The following DCC variants were observed in gnomAD, a reference collection of about 807,000 sequenced individuals.
DCC encodes netrin receptor DCC.
In DCC, 58 loss-of-function variants were observed where a neutral mutation model predicts 172.5. That is an observed-to-expected ratio of 0.34 (90% CI 0.27 to 0.42). DCC has a LOEUF of 0.42. Among genes scored for constraint, DCC ranks in the 10% least tolerant of loss-of-function variants. The probability of loss-of-function intolerance (pLI) is 1.00; values close to 1 mark genes in which losing one functional copy is unlikely to be tolerated. For missense variants in DCC, 1,740 were observed against 1,791.0 expected (o/e 0.97, Z 0.51); for synonymous variants, 709 against 644.5 (o/e 1.10, Z -1.52).
At chr18:52,655,865 G>C (rs2144934542) in intron 1 of DCC, among the ~76,000 whole-genome samples, 1 of 151,694 alleles carries the variant, frequency 6.6e-6, no homozygotes, top group South Asian at 2.1e-4. Context: ...TGCCAATACA[G>C]TTAGACTGTA....
intron 11 of DCC, among the ~76,000 whole-genome samples, chr18:53,213,294 A>G (rs1192067735): frequency 1.3e-5 from 2 of 152,196 alleles, no homozygotes; most frequent in Non-Finnish European, 2.9e-5. Context: ...TATTAGAAAC[A>G]TATAGCATGA....
Position 52,968,467 on chromosome 18 carries a change from C to G in DCC, c.985+43097C>G, listed in dbSNP as rs571771881. 3.9e-5 allele frequency among the ~76,000 whole-genome samples: 6 copies of G among 152,218 alleles called. No individual in the cohort carries two copies. In the South Asian group the frequency reaches 1.2e-3, roughly 32 times the overall value. ...TGTGTCCCTTATTCAGCATCCCACC[C>G]TCTCTTGTTATCTTGGCTCTATCCT... On this transcript the variant is annotated intron_variant, in intron 5 of 28. Coordinates refer to ENST00000442544, the MANE Select transcript of DCC (RefSeq NM_005215.4).
chr18:52,451,114 T>C (rs1006962904), intron 1 of DCC, among the ~76,000 whole-genome samples: 1 of 152,190 alleles, frequency 6.6e-6, no homozygotes, highest in African/African-American at 2.4e-5. Flanking sequence ...GGATTAAATA[T>C]CCATGACTAA....
chr18:52,394,542 G>A (rs1317558750), intron 1 of DCC, among the ~76,000 whole-genome samples: 1 of 151,678 alleles, frequency 6.6e-6, no homozygotes, highest in Non-Finnish European at 1.5e-5. Context: ...CTCCCAAATC[G>A]CTGAGATTAC....
intron 8 of DCC, 56 bp downstream of exon 8, chr18:53,157,568 C>T (rs536838430): frequency 1.9e-5 from 30 of 1,580,408 alleles, no homozygotes; most frequent in East Asian, 6.7e-5. Context: ...TAAGTCAATA[C>T]GGTTGGGTAA....
intron 12 of DCC, among the ~76,000 whole-genome samples, chr18:53,255,194 T>C (rs2056489953): frequency 6.6e-6 from 1 of 151,890 alleles, no homozygotes; most frequent in Non-Finnish European, 1.5e-5. Context: ...GTCTTGGATA[T>C]GTGGGGAGGT....
Position 53,509,061 on chromosome 18 carries a change from C to T in DCC, c.4111+9551C>T, listed in dbSNP as rs117938019. Among the ~76,000 whole-genome samples, 128 of 152,290 alleles carry T rather than the reference C, an allele frequency of 8.4e-4. No individual in the cohort carries two copies. In the East Asian group the frequency reaches 0.023, roughly 28 times the overall value. On this transcript the variant is annotated intron_variant, in intron 27 of 28. Coordinates refer to ENST00000442544, the MANE Select transcript of DCC (RefSeq NM_005215.4). ...TCCCGACTTGCTCCTCACAATGGAC[C>T]AATTTAATGTGATTAAAGCTTCTGG... is the stretch of plus-strand genomic sequence containing the variant.
chr18:53,284,594 A>C (rs1161879263), intron 12 of DCC, among the ~76,000 whole-genome samples: 1 of 152,186 alleles, frequency 6.6e-6, no homozygotes, highest in Non-Finnish European at 1.5e-5. Flanking sequence ...AGTCTCAAGT[A>C]TGTCTTTATC....
At chr18:52,979,162 T>C (rs2041167517) in intron 5 of DCC, among the ~76,000 whole-genome samples, 1 of 152,052 alleles carries the variant, frequency 6.6e-6, no homozygotes, top group Admixed American at 6.5e-5. Context: ...TTGGAAGAGA[T>C]GGAACACACT....
chr18:52,621,293 G>C (rs1238641460), intron 1 of DCC, among the ~76,000 whole-genome samples: 2 of 152,238 alleles, frequency 1.3e-5, no homozygotes, highest in African/African-American at 4.8e-5. Flanking sequence ...ACTGTGAGCT[G>C]CTTAACACAC....
intron 26 of DCC, among the ~76,000 whole-genome samples, chr18:53,487,544 T>TC: frequency 6.6e-6 from 1 of 151,804 alleles, no homozygotes; most frequent in Non-Finnish European, 1.5e-5. Flanking sequence ...TTTTTTTTTT[T>TC]TTTTGAGCAC....
rs751434790 is a variant in DCC, at chr18:53,391,641, G to T, written c.2456-14G>T. On this transcript the variant is annotated splice_polypyrimidine_tract_variant and intron_variant, in intron 16 of 28. Transcript: ENST00000442544. Reference sequence around the variant, plus strand: ...TTTATTTGTTTGTTTCATTTGGTGGGTTTTTAAACCCAGATCCCACTGACC... The same window carrying T: ...TTTATTTGTTTGTTTCATTTGGTGGTTTTTTAAACCCAGATCCCACTGACC... The T allele has an allele frequency of 3.2e-6, 5 of 1,568,154 alleles. No homozygotes were observed. The African/African-American group carries it at 5.4e-5, about 17-fold the overall frequency.
At chr18:53,243,795 A>C (rs1164384447) in intron 12 of DCC, among the ~76,000 whole-genome samples, 1 of 151,976 alleles carries the variant, frequency 6.6e-6, no homozygotes, top group East Asian at 1.9e-4. Context: ...AACAGATCTG[A>C]CTCCCCGATT....
intron 1 of DCC, among the ~76,000 whole-genome samples, chr18:52,369,134 G>A (rs1288100873): frequency 6.6e-6 from 1 of 152,154 alleles, no homozygotes; most frequent in Non-Finnish European, 1.5e-5. Context: ...AATGAATTTG[G>A]TGGTATCGAT....
At chr18:53,265,531 A>G (rs2056663270) in intron 12 of DCC, among the ~76,000 whole-genome samples, 1 of 152,182 alleles carries the variant, frequency 6.6e-6, no homozygotes, top group Non-Finnish European at 1.5e-5. Flanking sequence ...TTTGGAGACC[A>G]TTTTTATTTT....
At chr18:53,086,003 T>TTAAGTTTTAGGGTACATGTGCATAATGTG (rs1465853484) in intron 7 of DCC, among the ~76,000 whole-genome samples, 1 of 25,710 alleles carries the variant, frequency 3.9e-5, no homozygotes, top group African/African-American at 5.3e-4. Context: ...TTCTCCTTCT[T>TTAAGTTTTAGGGTACATGTGCATAATGTG]CTCCTTCTCC....
chr18:53,351,348 T>TATATAC lies in DCC; in HGVS notation c.2359+11442_2359+11443insTATACA, dbSNP rs1555656824. ...TATATATATACAGTGTATATATATA[T>TATATAC]ACACAGTATATATATATACTGTATA... On this transcript the variant is annotated intron_variant, in intron 15 of 28. Coordinates refer to ENST00000442544, the MANE Select transcript of DCC (RefSeq NM_005215.4). Among the ~76,000 whole-genome samples, 17 of 54,730 alleles carry TATATAC rather than the reference T, an allele frequency of 3.1e-4. 2 individuals carry two copies. The highest frequency in any genetic ancestry group is 7.8e-4 in the Non-Finnish European group (15 of 19,214). The allele number at this position is 54,730 out of a possible 152,430, so 35.9% of individuals were successfully genotyped here.
chr18:53,085,396 A>C (rs2042863376), intron 7 of DCC, among the ~76,000 whole-genome samples: 1 of 152,146 alleles, frequency 6.6e-6, no homozygotes. Flanking sequence ...TCCTTAGCAC[A>C]GAGAAATGTC....
At chr18:52,861,361 C>T (rs189993139) in intron 2 of DCC, among the ~76,000 whole-genome samples, 1 of 152,296 alleles carries the variant, frequency 6.6e-6, no homozygotes, top group African/African-American at 2.4e-5. Flanking sequence ...GAAAATAAGC[C>T]ATTACAGTCA....
Sources: gnomAD v4.1 joint callset for allele counts (sites outside exome capture counted in the v4.1 genomes callset) on GRCh38, gnomAD v4.1.1 for gene constraint, MANE v1.5 for transcripts, NCBI Gene and HGNC (gene_info 2026-07-23, HGNC 2026-07-21) for gene names.